The following DAAM1 variants were observed in gnomAD, a reference collection of about 807,000 sequenced individuals.
DAAM1 encodes the protein disheveled-associated activator of morphogenesis 1.
In DAAM1, 52 loss-of-function variants were observed where a neutral mutation model predicts 130.0. The observed-to-expected ratio is 0.40, with a 90% CI of 0.32 to 0.50. The LOEUF (loss-of-function observed/expected upper bound fraction) is 0.50. DAAM1 is among the 20% of genes least tolerant of loss of function. The pLI is 0.61. For synonymous variants in DAAM1, 452 were observed against 444.5 expected, an observed-to-expected ratio of 1.02 and a Z score of -0.21; for missense variants, 1,134 against 1,303.8, an observed-to-expected ratio of 0.87 and a Z score of 2.01.
At chr14:59,199,966 G>A (rs1888048287) in intron 1 of DAAM1, among the ~76,000 whole-genome samples, 2 of 152,200 alleles carry the variant, frequency 1.3e-5, no homozygotes, top group Non-Finnish European at 2.9e-5. Context: ...ATGGTCTGAA[G>A]ACTTTAATCA....
intron 1 of DAAM1, among the ~76,000 whole-genome samples, chr14:59,223,926 C>T (rs955038375): frequency 6.6e-6 from 1 of 152,180 alleles, no homozygotes; most frequent in Non-Finnish European, 1.5e-5. Flanking sequence ...GTAGTTGCTG[C>T]TTCTCACTCA....
intron 22 of DAAM1, chr14:59,362,521 C>T (rs1039392748): frequency 6.6e-6 from 1 of 152,030 alleles, no homozygotes; most frequent in Non-Finnish European, 1.5e-5. Flanking sequence ...ACTTTCCAAG[C>T]TAAAGTACTG....
chr14:59,302,705 G>A (rs771325218), intron 3 of DAAM1, among the ~76,000 whole-genome samples: 4 of 152,120 alleles, frequency 2.6e-5, no homozygotes, highest in Non-Finnish European at 5.9e-5. Flanking sequence ...CCACACTGGA[G>A]TGCAGTGGCG....
chr14:59,260,980 AC>A (rs753717147), intron 1 of DAAM1, among the ~76,000 whole-genome samples: 1 of 152,178 alleles, frequency 6.6e-6, no homozygotes, highest in Admixed American at 6.5e-5. Context: ...AGTAGGAAAG[AC>A]AGAAAAGTTG....
Position 59,315,271 on chromosome 14 carries a change from C to A in DAAM1, c.274-9C>A, listed in dbSNP as rs575747276. On this transcript the variant is annotated splice_polypyrimidine_tract_variant and intron_variant, in intron 3 of 24. Coordinates refer to ENST00000360909, the MANE Select transcript of DAAM1 (RefSeq NM_001270520.2). ...GGGTGGTATGTCACTTTTTTTCCCC[C>A]CTTTTTAGGACCAGGAAGAAAACAA... The A allele has an allele frequency of 3.1e-6, 5 of 1,613,868 alleles. No homozygotes were observed. Among genetic ancestry groups the A allele is most frequent in the Non-Finnish European group, 4.2e-6 (5 of 1,179,818 alleles).
chr14:59,305,054 T>C (rs754862917), intron 3 of DAAM1, among the ~76,000 whole-genome samples: 45 of 152,182 alleles, frequency 3.0e-4, no homozygotes, highest in Non-Finnish European at 5.6e-4. Flanking sequence ...GCTACAAATG[T>C]GGTAGCAAGA....
chr14:59,365,785 TGTTAAGTA>T (rs913265964), intron 23 of DAAM1, among the ~76,000 whole-genome samples: 5 of 152,124 alleles, frequency 3.3e-5, no homozygotes, highest in African/African-American at 1.2e-4. Context: ...ATCTGGAAAA[TGTTAAGTA>T]GTTGATTGGG....
chr14:59,246,973 A>G (rs1014788045), intron 1 of DAAM1, among the ~76,000 whole-genome samples: 1 of 152,126 alleles, frequency 6.6e-6, no homozygotes, highest in Admixed American at 6.5e-5. Context: ...TTCAAATCCA[A>G]TGTCATAAAA....
chr14:59,321,165 A>G (rs1233516375), intron 5 of DAAM1, among the ~76,000 whole-genome samples: 1 of 152,238 alleles, frequency 6.6e-6, no homozygotes, highest in African/African-American at 2.4e-5. Context: ...ATGCTACAAC[A>G]TGAAATGACC....
chr14:59,367,707 A>G (rs1566513400), intron 24 of DAAM1, 108 bp downstream of exon 24: 9 of 1,410,724 alleles, frequency 6.4e-6, no homozygotes, highest in Middle Eastern at 2.0e-4. Context: ...GAAGGCTTCA[A>G]TGTACTCTCT....
intron 5 of DAAM1, among the ~76,000 whole-genome samples, chr14:59,321,547 C>T (rs1002784128): frequency 1.3e-5 from 2 of 152,228 alleles, no homozygotes; most frequent in Non-Finnish European, 2.9e-5. Flanking sequence ...GTGCCTCCTG[C>T]ACTTTCATTC....
intron 2 of DAAM1, among the ~76,000 whole-genome samples, chr14:59,274,387 C>T (rs1314828568): frequency 6.3e-5 from 9 of 143,406 alleles, no homozygotes; most frequent in Admixed American, 2.1e-4. Context: ...AAGGAAAAGT[C>T]AGAATCTTTT....
intron 1 of DAAM1, among the ~76,000 whole-genome samples, chr14:59,250,194 C>T (rs1351740027): frequency 1.3e-5 from 2 of 152,146 alleles, no homozygotes; most frequent in Admixed American, 1.3e-4. Flanking sequence ...TACAGAGTCT[C>T]TTAAAATTAC....
rs868690788 is a variant in DAAM1 at position 59,350,538 on chromosome 14, T to C, written c.2161-1988T>C. Reference sequence around the variant, plus strand: ...ATCCCCATCTAGCTACTGTCTTCTCTCTGATGCAGCCAGAGTCTTGAAAGC... The same window carrying C: ...ATCCCCATCTAGCTACTGTCTTCTCCCTGATGCAGCCAGAGTCTTGAAAGC... On this transcript the variant is annotated intron_variant, in intron 17 of 24. Transcript: ENST00000360909. Among the ~76,000 whole-genome samples, 3 of 152,140 alleles carry C rather than the reference T, an allele frequency of 2.0e-5. No homozygotes were observed. The Middle Eastern group carries it at 0.01, about 517-fold the overall frequency.
At chr14:59,314,197 T>C (rs113416737) in intron 3 of DAAM1, among the ~76,000 whole-genome samples, 3,195 of 152,336 alleles carry the variant, frequency 0.021, 66 homozygotes, top group Non-Finnish European at 0.027. Context: ...AGAGCTCTAC[T>C]AAAAGAGATG....
intron 1 of DAAM1, among the ~76,000 whole-genome samples, chr14:59,200,360 A>G (rs1421052890): frequency 6.6e-6 from 1 of 152,204 alleles, no homozygotes; most frequent in African/African-American, 2.4e-5. Context: ...AAAATGCTTT[A>G]GAAAAAAAAC....
chr14:59,202,791 A>T lies in DAAM1; in HGVS notation c.-38+14023A>T, dbSNP rs369144085. On this transcript the variant is annotated intron_variant, in intron 1 of 24. Transcript: ENST00000360909. ...TTTCTTTCAAAGGAATGTTTACAAC[A>T]TGAGTTATGGAAGTTCTACAATCCC... Among the ~76,000 whole-genome samples the T allele has an allele frequency of 9.9e-5, 15 of 152,276 alleles. No individual in the cohort carries two copies. In the East Asian group the frequency reaches 2.9e-3, roughly 29 times the overall value.
chr14:59,247,573 A>G (rs1318141354), intron 1 of DAAM1, among the ~76,000 whole-genome samples: 2 of 152,070 alleles, frequency 1.3e-5, no homozygotes, highest in African/African-American at 4.8e-5. Flanking sequence ...TTTAGTTTTC[A>G]GTGTACAAGC....
chr14:59,350,851 C>G (rs151252215), intron 17 of DAAM1, among the ~76,000 whole-genome samples: 1,916 of 152,210 alleles, frequency 0.013, 175 homozygotes, highest in Admixed American at 0.12. Flanking sequence ...CTCTTCAGCC[C>G]TGCTTTTTTT....
Sources: allele counts gnomAD v4.1 joint callset (sites outside exome capture counted in the v4.1 genomes callset), GRCh38; gene constraint gnomAD v4.1.1; transcripts MANE v1.5; gene names NCBI Gene and HGNC (gene_info 2026-07-23, HGNC 2026-07-21).